The following PDE7B variants were observed in gnomAD, a reference collection of about 807,000 sequenced individuals.
The protein encoded by PDE7B is phosphodiesterase 7B, also known as 3',5'-cyclic-AMP phosphodiesterase 7B.
Under a neutral mutation model 56.2 loss-of-function variants are expected in PDE7B, and 29 were observed. The observed-to-expected ratio is 0.52, with a 90% CI of 0.38 to 0.70. The LOEUF (loss-of-function observed/expected upper bound fraction) is 0.70, where lower values mean the gene tolerates loss of function less well. Ranked by LOEUF, PDE7B falls within the 30% of genes least tolerant of loss-of-function variation. The pLI is 0.00. For synonymous variants in PDE7B, 197 were observed against 196.9 expected (o/e 1.00, Z 0.00); for missense variants, 490 against 565.0 (o/e 0.87, Z 1.35).
chr6:136,136,451 T>C (rs1778212850), intron 3 of PDE7B, among the ~76,000 whole-genome samples: 1 of 152,060 alleles, frequency 6.6e-6, no homozygotes, highest in South Asian at 2.1e-4. Context: ...GAGTGAACTT[T>C]GCAACCACAC....
At chr6:136,187,449 G>C (rs1779160222) in intron 12 of PDE7B, among the ~76,000 whole-genome samples, 1 of 152,188 alleles carries the variant, frequency 6.6e-6, no homozygotes, top group Admixed American at 6.5e-5. Context: ...TGCAGGGCTT[G>C]AAGGTGGGAA....
At chr6:136,175,434 C>A (rs1052087023) in intron 9 of PDE7B, among the ~76,000 whole-genome samples, 1 of 152,044 alleles carries the variant, frequency 6.6e-6, no homozygotes, top group African/African-American at 2.4e-5. Context: ...AAACAGGAGA[C>A]TTTTAGCACT....
chr6:136,102,504 T>C (rs1044803632), intron 2 of PDE7B, among the ~76,000 whole-genome samples: 2 of 152,202 alleles, frequency 1.3e-5, no homozygotes, highest in South Asian at 2.1e-4. Flanking sequence ...CATCCGTGTT[T>C]TCATTACTGA....
chr6:135,855,650 A>G (rs1196060950), intron 1 of PDE7B, among the ~76,000 whole-genome samples: 1 of 152,216 alleles, frequency 6.6e-6, no homozygotes, highest in East Asian at 1.9e-4. Flanking sequence ...GCTGCTGTAC[A>G]GGCCTGATTT....
chr6:135,992,211 A>G (rs1004742264), intron 2 of PDE7B, among the ~76,000 whole-genome samples: 1 of 40,012 alleles, frequency 2.5e-5, no homozygotes, highest in South Asian at 6.7e-4. Flanking sequence ...CTGATGAGCT[A>G]AAAAAAAAAA....
chr6:136,140,261 G>A (rs1287356349), intron 3 of PDE7B, among the ~76,000 whole-genome samples: 3 of 152,114 alleles, frequency 2.0e-5, no homozygotes, highest in Non-Finnish European at 4.4e-5. Context: ...TGTCAGGTTT[G>A]TCAAAGACCA....
intron 2 of PDE7B, among the ~76,000 whole-genome samples, chr6:136,015,677 C>T (rs1015600212): frequency 6.6e-6 from 1 of 152,046 alleles, no homozygotes; most frequent in African/African-American, 2.4e-5. Flanking sequence ...CCCTCTTCTC[C>T]TTGCAACCAG....
intron 2 of PDE7B, among the ~76,000 whole-genome samples, chr6:135,973,853 C>T (rs1372914135): frequency 6.6e-6 from 1 of 152,162 alleles, no homozygotes; most frequent in Non-Finnish European, 1.5e-5. Context: ...AACGGTAACA[C>T]TTTAGTTGGC....
chr6:136,013,003 G>T (rs552651640), intron 2 of PDE7B, among the ~76,000 whole-genome samples: 1 of 152,088 alleles, frequency 6.6e-6, no homozygotes, highest in African/African-American at 2.4e-5. Flanking sequence ...ACCACCAGAC[G>T]AAAGCTAATG....
chr6:135,980,302 A>G (rs1384725760), intron 2 of PDE7B, among the ~76,000 whole-genome samples: 5 of 152,214 alleles, frequency 3.3e-5, no homozygotes, highest in Non-Finnish European at 5.9e-5. Context: ...AAGATGGATT[A>G]AAGACTTAAA....
chr6:136,000,837 A>C (rs1412425613), intron 2 of PDE7B, among the ~76,000 whole-genome samples: 1 of 152,218 alleles, frequency 6.6e-6, no homozygotes, highest in African/African-American at 2.4e-5. Flanking sequence ...ACAGCTTTAA[A>C]GAGAGCAGTG....
At chr6:136,120,856 T>A (rs914129706) in intron 3 of PDE7B, among the ~76,000 whole-genome samples, 3 of 152,138 alleles carry the variant, frequency 2.0e-5, no homozygotes, top group African/African-American at 4.8e-5. Flanking sequence ...GTCATCTAAG[T>A]CTTTACCATT....
intron 3 of PDE7B, among the ~76,000 whole-genome samples, chr6:136,143,096 T>C (rs563747184): frequency 3.3e-5 from 5 of 152,318 alleles, no homozygotes; most frequent in African/African-American, 4.8e-5. Flanking sequence ...TACTGGTTGT[T>C]CCTTTCCATG....
chr6:135,891,715 G>T (rs1775813363), intron 1 of PDE7B, among the ~76,000 whole-genome samples: 1 of 152,132 alleles, frequency 6.6e-6, no homozygotes. Flanking sequence ...CCTTCCAAGT[G>T]ATTTTGATGA....
Position 135,863,361 on chromosome 6 carries a change from T to C in PDE7B, c.21+11342T>C, listed in dbSNP as rs151265895. ...GATCAAGGTTGAATATCAGCAATTT[T>C]ATAAAATTTAAACTAGTATTTTGAT... On this transcript the variant is annotated intron_variant, in intron 1 of 12. Coordinates refer to ENST00000308191, the MANE Select transcript of PDE7B (RefSeq NM_018945.4). Among the ~76,000 whole-genome samples the C allele has an allele frequency of 1.4e-4, 21 of 152,212 alleles. No homozygotes were observed. In the East Asian group the frequency reaches 4.0e-3, roughly 29 times the overall value.
At chr6:136,106,091 A>G (rs1229978881) in intron 2 of PDE7B, among the ~76,000 whole-genome samples, 1 of 152,094 alleles carries the variant, frequency 6.6e-6, no homozygotes, top group African/African-American at 2.4e-5. Flanking sequence ...AGTGATTTCC[A>G]AAAGGTGAGC....
chr6:136,140,482 A>C (rs1251889581), intron 3 of PDE7B, among the ~76,000 whole-genome samples: 1 of 152,150 alleles, frequency 6.6e-6, no homozygotes, highest in East Asian at 1.9e-4. Flanking sequence ...ATGAACTTTA[A>C]AGTAGTTTTT....
At chr6:136,108,555 C>T (rs1777691179) in intron 2 of PDE7B, among the ~76,000 whole-genome samples, 176 bp from the exon 3 acceptor site, 1 of 152,118 alleles carries the variant, frequency 6.6e-6, no homozygotes, top group Non-Finnish European at 1.5e-5. Flanking sequence ...TAGTGTATTG[C>T]CAACCTCATT....
At chr6:135,930,550 G>A (rs1774275607) in intron 1 of PDE7B, among the ~76,000 whole-genome samples, 1 of 152,114 alleles carries the variant, frequency 6.6e-6, no homozygotes, top group South Asian at 2.1e-4. Context: ...TGAGGACTGA[G>A]GGCCCATGGT....
Sources: allele counts gnomAD v4.1 joint callset (sites outside exome capture counted in the v4.1 genomes callset), GRCh38; gene constraint gnomAD v4.1.1; transcripts MANE v1.5; gene names NCBI Gene and HGNC (gene_info 2026-07-23, HGNC 2026-07-21).